The following FBXW7 variants were observed in gnomAD, a reference collection of about 807,000 sequenced individuals.
FBXW7 encodes the protein F-box and WD repeat domain containing 7, also known as F-box/WD repeat-containing protein 7.
Under a neutral mutation model 86.3 loss-of-function variants are expected in FBXW7, and 11 were observed. The ratio of observed to expected loss-of-function variants is 0.13; its 90% CI spans 0.08 to 0.21. FBXW7 has a LOEUF of 0.21. FBXW7 is among the 10% of genes least tolerant of loss of function. The probability of loss-of-function intolerance (pLI) is 1.00; values close to 1 mark genes in which losing one functional copy is unlikely to be tolerated. For synonymous variants in FBXW7, 313 were observed against 297.9 expected (o/e 1.05, Z -0.52); for missense variants, 488 against 847.4 (o/e 0.58, Z 5.27).
intron 4 of FBXW7, among the ~76,000 whole-genome samples, chr4:152,385,167 A>G (rs1435939698): frequency 6.6e-6 from 1 of 152,008 alleles, no homozygotes; most frequent in Non-Finnish European, 1.5e-5. Flanking sequence ...AATCAATTGG[A>G]TAATTAACCC....
At chr4:152,507,858 C>T (rs889784527) in intron 2 of FBXW7, among the ~76,000 whole-genome samples, 2 of 151,058 alleles carry the variant, frequency 1.3e-5, no homozygotes, top group South Asian at 2.1e-4. Flanking sequence ...TTAAGACTAG[C>T]TTGGGCAACA....
At chr4:152,480,483 G>C (rs529283598) in intron 2 of FBXW7, among the ~76,000 whole-genome samples, 1 of 152,138 alleles carries the variant, frequency 6.6e-6, no homozygotes, top group Non-Finnish European at 1.5e-5. Flanking sequence ...CTAAGTGTTG[G>C]AGTGAAAAGA....
In FBXW7 at chr4:152,322,051, A is replaced by G. The variant is rs991530696; in HGVS notation, c.*830T>C. The G allele has an allele frequency of 8.7e-6, 2 of 230,494 alleles. No individual in the cohort carries two copies. Among genetic ancestry groups the G allele is most frequent in the Non-Finnish European group, 1.7e-5 (2 of 116,412 alleles). 14.3% of individuals were successfully genotyped at this position (230,494 alleles called of 1,614,324 possible). On this transcript the variant is annotated 3_prime_UTR_variant, in exon 14 of 14. Coordinates refer to ENST00000281708, the MANE Select transcript of FBXW7 (RefSeq NM_001349798.2). ...TAAAACGTCACAGCAGAAAAAAAAT[A>G]AAAAAAAATAATTTGCTTTTTTCTT...
At chr4:152,428,796 C>T (rs536193094) in intron 2 of FBXW7, among the ~76,000 whole-genome samples, 40 of 152,300 alleles carry the variant, frequency 2.6e-4, no homozygotes, top group Middle Eastern at 3.4e-3. Context: ...TCAGAGTCCA[C>T]GGGATTTGAT....
intron 2 of FBXW7, among the ~76,000 whole-genome samples, chr4:152,473,471 C>A (rs1454939921): frequency 6.6e-6 from 1 of 152,064 alleles, no homozygotes; most frequent in African/African-American, 2.4e-5. Context: ...CCTTTGGAAT[C>A]TTTTGAAGAA....
intron 2 of FBXW7, among the ~76,000 whole-genome samples, chr4:152,451,414 A>G (rs1281367423): frequency 6.6e-6 from 1 of 152,172 alleles, no homozygotes; most frequent in Non-Finnish European, 1.5e-5. Context: ...TACAAACACA[A>G]CCCTGAACAA....
chr4:152,324,608 T>C, intron 12 of FBXW7: 3 of 490,164 alleles, frequency 6.1e-6, no homozygotes, highest in Non-Finnish European at 1.1e-5. Context: ...GAAAGGCTCA[T>C]CTTTATGCCA....
intron 2 of FBXW7, among the ~76,000 whole-genome samples, chr4:152,500,012 G>A (rs967068430): frequency 6.6e-6 from 1 of 152,062 alleles, no homozygotes; most frequent in African/African-American, 2.4e-5. Flanking sequence ...CACACCCCCT[G>A]AAGTAAAAAA....
intron 2 of FBXW7, among the ~76,000 whole-genome samples, chr4:152,531,390 A>G (rs1750013381): frequency 6.6e-6 from 1 of 152,146 alleles, no homozygotes; most frequent in Admixed American, 6.5e-5. Context: ...ATCACTGTTA[A>G]GAAGTCAGAG....
chr4:152,352,504 C>T (rs2126661096), intron 4 of FBXW7: 1 of 1,613,836 alleles, frequency 6.2e-7, no homozygotes, highest in South Asian at 1.1e-5. Context: ...GCCGTAGAAA[C>T]CCATATTTTC....
chr4:152,385,342 A>G (rs982405060), intron 4 of FBXW7, among the ~76,000 whole-genome samples: 1 of 152,036 alleles, frequency 6.6e-6, no homozygotes, highest in South Asian at 2.1e-4. Flanking sequence ...TGGTTATTCC[A>G]CTGGTTAATA....
At chr4:152,451,117 A>C (rs551969103) in intron 2 of FBXW7, among the ~76,000 whole-genome samples, 10 of 152,358 alleles carry the variant, frequency 6.6e-5, no homozygotes, top group East Asian at 1.9e-4. Flanking sequence ...GAAGAAAAAG[A>C]AGCATAATAT....
chr4:152,466,150 C>T (rs550015069), intron 2 of FBXW7, among the ~76,000 whole-genome samples: 11 of 152,316 alleles, frequency 7.2e-5, no homozygotes, highest in African/African-American at 2.6e-4. Context: ...ACCATTTCTC[C>T]AGAAACTAAA....
chr4:152,413,788 A>G (rs1406780384), intron 2 of FBXW7, among the ~76,000 whole-genome samples: 1 of 152,176 alleles, frequency 6.6e-6, no homozygotes, highest in Non-Finnish European at 1.5e-5. Flanking sequence ...ATGACATTTC[A>G]TCTTTTTTGA....
chr4:152,529,779 G>A (rs1048094988), intron 2 of FBXW7, among the ~76,000 whole-genome samples: 2 of 152,054 alleles, frequency 1.3e-5, no homozygotes, highest in Non-Finnish European at 2.9e-5. Context: ...ACCAGCCTGG[G>A]CAACATGATG....
At chr4:152,503,574 A>C (rs1747149261) in intron 2 of FBXW7, among the ~76,000 whole-genome samples, 2 of 152,050 alleles carry the variant, frequency 1.3e-5, no homozygotes, top group Admixed American at 1.3e-4. Context: ...GCCCGGCCCC[A>C]ATTAAATCTT....
chr4:152,367,227 TAACA>T lies in FBXW7; in HGVS notation c.502-17107_502-17104del, dbSNP rs558616925. 7.6e-4 allele frequency among the ~76,000 whole-genome samples: 116 copies of T among 152,266 alleles called. 1 individual carries two copies. The highest frequency in any genetic ancestry group is 1.7e-3 in the Admixed American group (26 of 15,284). ...CCAACATGGCACATGTATACATATG[TAACA>T]AACCTGCACGTTGTGCACATGTACC... On this transcript the variant is annotated intron_variant, in intron 4 of 13. Transcript: ENST00000281708.
intron 2 of FBXW7, among the ~76,000 whole-genome samples, chr4:152,444,921 C>T (rs997640778): frequency 1.3e-5 from 2 of 152,138 alleles, no homozygotes; most frequent in African/African-American, 4.8e-5. Flanking sequence ...ACTGCAGTCT[C>T]GACCTGCCAG....
At chr4:152,501,520 C>A (rs1332356122) in intron 2 of FBXW7, among the ~76,000 whole-genome samples, 1 of 152,162 alleles carries the variant, frequency 6.6e-6, no homozygotes, top group East Asian at 1.9e-4. Context: ...AATAACTAGT[C>A]AAGATATGGC....
Sources: gnomAD v4.1 joint callset for allele counts (sites outside exome capture counted in the v4.1 genomes callset) on GRCh38, gnomAD v4.1.1 for gene constraint, MANE v1.5 for transcripts, NCBI Gene and HGNC (gene_info 2026-07-23, HGNC 2026-07-21) for gene names.